CTNNA3: variants seen among roughly 807,000 people sequenced by gnomAD.
The protein encoded by CTNNA3 is catenin alpha 3, also known as catenin alpha-3.
In CTNNA3, 76 loss-of-function variants were observed where a neutral mutation model predicts 95.7. That is an observed-to-expected ratio of 0.79 (90% CI 0.66 to 0.96). The LOEUF (loss-of-function observed/expected upper bound fraction) is 0.96. Among genes scored for constraint, CTNNA3 ranks in the 40% least tolerant of loss-of-function variants. The probability of loss-of-function intolerance (pLI) is 0.00; values close to 1 mark genes in which losing one functional copy is unlikely to be tolerated. For synonymous variants in CTNNA3, 431 were observed against 374.4 expected (o/e 1.15, Z -1.74); for missense variants, 1,191 against 1,089.8 (o/e 1.09, Z -1.31).
intron 5 of CTNNA3, among the ~76,000 whole-genome samples, chr10:67,273,801 G>C (rs1307410254): frequency 6.6e-6 from 1 of 152,134 alleles, no homozygotes; most frequent in Admixed American, 6.6e-5. Context: ...AGTGAAAGAA[G>C]ACTTACACAA....
chr10:66,260,426 G>A (rs547227915), intron 13 of CTNNA3, among the ~76,000 whole-genome samples: 12 of 152,222 alleles, frequency 7.9e-5, no homozygotes, highest in African/African-American at 2.6e-4. Context: ...CACAAAAGAT[G>A]ATATATAAGC....
chr10:66,956,877 C>A (rs940769114), intron 7 of CTNNA3, among the ~76,000 whole-genome samples: 3 of 152,184 alleles, frequency 2.0e-5, no homozygotes, highest in Non-Finnish European at 4.4e-5. Flanking sequence ...GCCTCATCCT[C>A]CTACGGGACA....
chr10:67,753,949 C>G, intron 1 of CTNNA3, among the ~76,000 whole-genome samples: 1 of 152,234 alleles, frequency 6.6e-6, no homozygotes, highest in African/African-American at 2.4e-5. Context: ...TTTAACCCAG[C>G]AATCCCATTA....
chr10:66,420,629 T>C (rs924963282), intron 11 of CTNNA3, among the ~76,000 whole-genome samples: 1 of 151,712 alleles, frequency 6.6e-6, no homozygotes, highest in African/African-American at 2.4e-5. Context: ...TGAAACCCCA[T>C]CTCTACTAAA....
At chr10:65,968,977 C>T (rs1169373644) in intron 16 of CTNNA3, among the ~76,000 whole-genome samples, 1 of 152,204 alleles carries the variant, frequency 6.6e-6, no homozygotes, top group African/African-American at 2.4e-5. Context: ...GAGGAGGGAG[C>T]TCAGAGCATT....
chr10:66,774,401 A>G (rs986151128), intron 8 of CTNNA3, among the ~76,000 whole-genome samples: 2 of 152,168 alleles, frequency 1.3e-5, no homozygotes, highest in African/African-American at 4.8e-5. Flanking sequence ...TCTCATTTGC[A>G]TCGTAAGACA....
intron 10 of CTNNA3, among the ~76,000 whole-genome samples, chr10:66,551,739 G>A (rs1423321308): frequency 6.6e-6 from 1 of 151,916 alleles, no homozygotes; most frequent in African/African-American, 2.4e-5. Flanking sequence ...CCGTTTGTAA[G>A]TTCTGTTTTA....
At position 66,489,803 on chromosome 10, in the gene CTNNA3, A is replaced by C. The variant is rs150280239; in HGVS notation, c.1531+30814T>G. 2.0e-3 allele frequency among the ~76,000 whole-genome samples: 298 copies of C among 152,312 alleles called. 2 individuals carry two copies. The highest frequency in any genetic ancestry group is 6.8e-3 in the African/African-American group (281 of 41,576). ...GATTCTTTGTTAATGACTGGCAATT[A>C]CAGGATGCTGGGGCAAGGGATTATG... On this transcript the variant is annotated intron_variant, in intron 11 of 17. Transcript: ENST00000433211.
chr10:66,790,595 G>A (rs1421833640), intron 7 of CTNNA3, among the ~76,000 whole-genome samples: 1 of 152,014 alleles, frequency 6.6e-6, no homozygotes, highest in Non-Finnish European at 1.5e-5. Flanking sequence ...ATGTGCCAAG[G>A]CCTGGACTAA....
At chr10:66,747,042 T>C (rs529744529) in intron 9 of CTNNA3, among the ~76,000 whole-genome samples, 39 of 152,314 alleles carry the variant, frequency 2.6e-4, no homozygotes, top group Non-Finnish European at 5.6e-4. Flanking sequence ...ATAATGGAGA[T>C]TAAAAGCATA....
At chr10:67,662,089 T>C (rs1320764526) in intron 1 of CTNNA3, among the ~76,000 whole-genome samples, 2 of 152,106 alleles carry the variant, frequency 1.3e-5, no homozygotes, top group Non-Finnish European at 2.9e-5. Context: ...TATGCAAACA[T>C]TCATGGTGGC....
intron 7 of CTNNA3, among the ~76,000 whole-genome samples, chr10:66,990,282 C>T (rs1172463247): frequency 1.3e-5 from 2 of 152,128 alleles, no homozygotes; most frequent in East Asian, 3.9e-4. Flanking sequence ...CACTGTAGTG[C>T]TGTGGCCAGG....
chr10:67,418,691 G>A (rs1845630878), intron 5 of CTNNA3, among the ~76,000 whole-genome samples: 1 of 152,056 alleles, frequency 6.6e-6, no homozygotes, highest in African/African-American at 2.4e-5. Flanking sequence ...CCAGGGTCAG[G>A]GGCATTATTG....
chr10:67,742,851 C>T (rs1445267532), intron 1 of CTNNA3, among the ~76,000 whole-genome samples: 4 of 151,162 alleles, frequency 2.6e-5, no homozygotes, highest in Admixed American at 6.6e-5. Context: ...ATACAAACTA[C>T]CATCAGAGAA....
At chr10:67,704,469 G>C (rs756462840) in intron 1 of CTNNA3, among the ~76,000 whole-genome samples, 1 of 152,030 alleles carries the variant, frequency 6.6e-6, no homozygotes, top group African/African-American at 2.4e-5. Flanking sequence ...CAGAAATAAC[G>C]CCACATATCT....
chr10:66,986,669 A>AT (rs756179942), intron 7 of CTNNA3, among the ~76,000 whole-genome samples: 14 of 152,172 alleles, frequency 9.2e-5, no homozygotes, highest in Non-Finnish European at 1.9e-4. Flanking sequence ...ATAGTCAACT[A>AT]TACCTTGTAA....
At chr10:67,677,891 T>G in intron 1 of CTNNA3, among the ~76,000 whole-genome samples, 1 of 152,154 alleles carries the variant, frequency 6.6e-6, no homozygotes, top group Non-Finnish European at 1.5e-5. Context: ...TAGGGTTAAA[T>G]TCACCTCCAA....
intron 7 of CTNNA3, among the ~76,000 whole-genome samples, chr10:67,108,799 G>C (rs1858778612): frequency 6.6e-6 from 1 of 152,104 alleles, no homozygotes; most frequent in Non-Finnish European, 1.5e-5. Context: ...AATAGTTTCT[G>C]AGTCTAGTAT....
intron 7 of CTNNA3, among the ~76,000 whole-genome samples, chr10:67,148,153 A>T (rs982367614): frequency 1.3e-5 from 2 of 152,196 alleles, no homozygotes; most frequent in Non-Finnish European, 2.9e-5. Flanking sequence ...AGAAGATCCC[A>T]CTGGGGAAAA....
Sources: gnomAD v4.1 joint callset for allele counts (sites outside exome capture counted in the v4.1 genomes callset) on GRCh38, gnomAD v4.1.1 for gene constraint, MANE v1.5 for transcripts, NCBI Gene and HGNC (gene_info 2026-07-23, HGNC 2026-07-21) for gene names.